SSBP2: variants seen among roughly 807,000 people sequenced by gnomAD.
SSBP2 encodes single-stranded DNA-binding protein 2.
SSBP2 carries 17 observed loss-of-function variants against 61.8 expected under a neutral mutation model. The ratio of observed to expected loss-of-function variants is 0.28; its 90% CI spans 0.19 to 0.41. SSBP2 has a LOEUF of 0.41. Ranked by LOEUF, SSBP2 falls within the 10% of genes least tolerant of loss-of-function variation. The pLI is 1.00. For missense variants in SSBP2, 310 were observed against 458.7 expected (o/e 0.68, Z 2.96); for synonymous variants, 139 against 141.3 (o/e 0.98, Z 0.12).
chr5:81,644,591 T>C (rs891791587), intron 2 of SSBP2, among the ~76,000 whole-genome samples: 3 of 152,218 alleles, frequency 2.0e-5, no homozygotes, highest in Non-Finnish European at 4.4e-5. Context: ...GCCTATACTG[T>C]ACAATGCCTA....
intron 3 of SSBP2, among the ~76,000 whole-genome samples, chr5:81,623,710 T>C (rs1035907421): frequency 6.6e-6 from 1 of 152,010 alleles, no homozygotes; most frequent in African/African-American, 2.4e-5. Context: ...TGTTGGCGTA[T>C]GCCCTAAGAG....
intron 1 of SSBP2, among the ~76,000 whole-genome samples, chr5:81,683,383 A>T (rs1007098771): frequency 6.6e-6 from 1 of 152,182 alleles, no homozygotes; most frequent in Non-Finnish European, 1.5e-5. Flanking sequence ...CAATGGAGCA[A>T]AGATAGTCTT....
At chr5:81,607,487 C>A (rs931579857) in intron 4 of SSBP2, among the ~76,000 whole-genome samples, 1 of 152,092 alleles carries the variant, frequency 6.6e-6, no homozygotes, top group Non-Finnish European at 1.5e-5. Context: ...AATATGCTTA[C>A]CTCCCTAAGG....
At chr5:81,498,524 G>A (rs1270728620) in intron 5 of SSBP2, among the ~76,000 whole-genome samples, 1 of 151,908 alleles carries the variant, frequency 6.6e-6, no homozygotes, top group African/African-American at 2.4e-5. Context: ...AAAAATGACT[G>A]TAAAATTATT....
chr5:81,512,303 A>G (rs1768671881), intron 5 of SSBP2, among the ~76,000 whole-genome samples: 2 of 152,216 alleles, frequency 1.3e-5, no homozygotes, highest in Non-Finnish European at 2.9e-5. Flanking sequence ...TTAGCTACCA[A>G]TGCCTTGGTT....
intron 2 of SSBP2, among the ~76,000 whole-genome samples, chr5:81,646,714 T>A (rs1375099947): frequency 4.0e-5 from 4 of 100,390 alleles, no homozygotes; most frequent in Non-Finnish European, 4.2e-5. Context: ...TTTTTTTTTT[T>A]ACTTTAAAAC....
chr5:81,622,135 A>G (rs1456248661), intron 3 of SSBP2, among the ~76,000 whole-genome samples: 5 of 151,082 alleles, frequency 3.3e-5, no homozygotes, highest in Middle Eastern at 3.4e-3. Flanking sequence ...AAAAAAAAAA[A>G]GAAAATACAT....
intron 4 of SSBP2, 89 bp from the exon 5 acceptor site, chr5:81,513,806 G>T: frequency 1.3e-6 from 1 of 751,826 alleles, no homozygotes; most frequent in Non-Finnish European, 2.2e-6. Flanking sequence ...AGGACGGGAT[G>T]CTCTTTCATG....
At chr5:81,607,066 T>A (rs1200827788) in intron 4 of SSBP2, among the ~76,000 whole-genome samples, 1 of 152,202 alleles carries the variant, frequency 6.6e-6, no homozygotes, top group Non-Finnish European at 1.5e-5. Context: ...AAGATAGAAG[T>A]CATTTTGTGA....
At chr5:81,525,754 C>T (rs1769881522) in intron 4 of SSBP2, among the ~76,000 whole-genome samples, 1 of 152,032 alleles carries the variant, frequency 6.6e-6, no homozygotes, top group African/African-American at 2.4e-5. Flanking sequence ...CTGTACCAGT[C>T]TATAAGCTCT....
rs961527732 is a variant in SSBP2, at chr5:81,575,275, CA to C, written c.282+40197del. Reference sequence around the variant, plus strand: ...AGAGCGAGACTTCGTCTCAAAAAAACAAAAAAAAGCTCAGAGGTGCAGGAAG... The same window carrying C: ...AGAGCGAGACTTCGTCTCAAAAAAACAAAAAAAGCTCAGAGGTGCAGGAAG... On this transcript the variant is annotated intron_variant, in intron 4 of 16. Coordinates refer to ENST00000320672, the MANE Select transcript of SSBP2 (RefSeq NM_012446.5). Among the ~76,000 whole-genome samples the C allele has an allele frequency of 3.3e-5, 5 of 151,280 alleles. No individual in the cohort carries two copies. In the East Asian group the frequency reaches 9.7e-4, roughly 29 times the overall value.
intron 4 of SSBP2, among the ~76,000 whole-genome samples, chr5:81,563,972 A>G (rs1412938378): frequency 6.6e-6 from 1 of 152,206 alleles, no homozygotes; most frequent in Non-Finnish European, 1.5e-5. Context: ...ATATTTGCAA[A>G]CCATATATCT....
At position 81,499,188 on chromosome 5, in the gene SSBP2, A is replaced by G. The variant is rs1451162847; in HGVS notation, c.373-9879T>C. ...TAAGTATGCAGTTTATCTCCCATAC[A>G]TCTTAGATATTCTATCATCAACACT... On this transcript the variant is annotated intron_variant, in intron 5 of 16. Transcript: ENST00000320672. Among the ~76,000 whole-genome samples, 7 of 152,314 alleles carry G rather than the reference A, an allele frequency of 4.6e-5. 1 individual carries two copies. In the South Asian group the frequency reaches 1.5e-3, roughly 32 times the overall value.
intron 16 of SSBP2, among the ~76,000 whole-genome samples, chr5:81,423,551 T>G (rs1439536509): frequency 6.6e-6 from 1 of 152,112 alleles, no homozygotes; most frequent in Non-Finnish European, 1.5e-5. Context: ...GAGACCAGCC[T>G]GGCCAAGATG....
chr5:81,524,200 G>T (rs1429902381), intron 4 of SSBP2, among the ~76,000 whole-genome samples: 1 of 152,018 alleles, frequency 6.6e-6, no homozygotes, highest in African/African-American at 2.4e-5. Flanking sequence ...GCCTGTGAAT[G>T]TGGGGCTTCT....
At chr5:81,691,056 G>A (rs568681845) in intron 1 of SSBP2, among the ~76,000 whole-genome samples, 6 of 151,874 alleles carry the variant, frequency 4.0e-5, no homozygotes, top group Admixed American at 3.3e-4. Context: ...AAAACCTGTG[G>A]GATACAGCGA....
chr5:81,685,829 G>A (rs1752728242), intron 1 of SSBP2, among the ~76,000 whole-genome samples: 1 of 152,144 alleles, frequency 6.6e-6, no homozygotes, highest in Non-Finnish European at 1.5e-5. Flanking sequence ...CATTTAATCT[G>A]CCTAATCTAA....
intron 5 of SSBP2, among the ~76,000 whole-genome samples, chr5:81,510,919 C>A (rs1305044802): frequency 6.6e-6 from 1 of 152,114 alleles, no homozygotes. Context: ...TAAAATCCTC[C>A]AGTAGTTTAG....
intron 1 of SSBP2, among the ~76,000 whole-genome samples, chr5:81,678,596 C>CA (rs1752163931): frequency 6.6e-6 from 1 of 151,334 alleles, no homozygotes; most frequent in Admixed American, 6.6e-5. Context: ...TGATAAAGGA[C>CA]AAAAAAATCC....
Sources: gnomAD v4.1 joint callset for allele counts (sites outside exome capture counted in the v4.1 genomes callset) on GRCh38, gnomAD v4.1.1 for gene constraint, MANE v1.5 for transcripts, NCBI Gene and HGNC (gene_info 2026-07-23, HGNC 2026-07-21) for gene names.